Variants in FLI1 observed in about 807,000 individuals in gnomAD.
The protein encoded by FLI1 is Fli-1 proto-oncogene, ETS transcription factor.
Under a neutral mutation model 53.1 loss-of-function variants are expected in FLI1, and 13 were observed. The ratio of observed to expected loss-of-function variants is 0.24; its 90% CI spans 0.16 to 0.39. The LOEUF is 0.39. Among genes scored for constraint, FLI1 ranks in the 10% least tolerant of loss-of-function variants. FLI1 has a pLI of 1.00. For synonymous variants in FLI1, 244 were observed against 236.7 expected (o/e 1.03, Z -0.28); for missense variants, 424 against 600.5 (o/e 0.71, Z 3.07).
chr11:128,788,199 G>A (rs1384552938), intron 5 of FLI1, among the ~76,000 whole-genome samples: 1 of 152,174 alleles, frequency 6.6e-6, no homozygotes, highest in African/African-American at 2.4e-5. Context: ...GCCGGGCATG[G>A]TGGTTCATGC....
rs1206700425 is a variant in FLI1, at chr11:128,811,469, T to C, written c.*481T>C. 4.2e-6 allele frequency: 1 copy of C among 236,378 alleles called. No homozygotes were observed. The highest frequency in any genetic ancestry group is 6.5e-5 in the East Asian group (1 of 15,462). The allele number at this position is 236,378 out of a possible 1,614,324, so 14.6% of individuals were successfully genotyped here. On this transcript the variant is annotated 3_prime_UTR_variant, in exon 9 of 9. Coordinates refer to ENST00000527786, the MANE Select transcript of FLI1 (RefSeq NM_002017.5). ...TTTTAGGAGGACCAAATTCAGTGGA[T>C]GGCAACTGGAACATTGATTGTAAGG...
intron 1 of FLI1, among the ~76,000 whole-genome samples, chr11:128,752,455 A>G (rs996422777): frequency 6.6e-5 from 10 of 152,240 alleles, no homozygotes; most frequent in Non-Finnish European, 1.3e-4. Flanking sequence ...TGAGCAGCAG[A>G]TGAAGCTTGG....
At chr11:128,757,056 C>A (rs1940903448) in intron 1 of FLI1, among the ~76,000 whole-genome samples, 2 of 117,898 alleles carry the variant, frequency 1.7e-5, no homozygotes, top group Non-Finnish European at 3.4e-5. Context: ...TTCTTTCTTT[C>A]TTTCTTTCTT....
At chr11:128,805,283 C>T in intron 5 of FLI1, 83 bp from the exon 6 acceptor site, 1 of 761,036 alleles carries the variant, frequency 1.3e-6, no homozygotes, top group Admixed American at 2.7e-5. Flanking sequence ...TTTTATTTCT[C>T]CTGATCACTA....
chr11:128,751,401 G>A (rs943383365), intron 1 of FLI1, among the ~76,000 whole-genome samples: 98 of 151,412 alleles, frequency 6.5e-4, no homozygotes, highest in Non-Finnish European at 1.1e-3. Context: ...TGTTGCCCAG[G>A]ATGGATGGTA....
At chr11:128,806,410 G>A (rs1309991886) in intron 6 of FLI1, 1 of 152,246 alleles carries the variant, frequency 6.6e-6, no homozygotes, top group African/African-American at 2.4e-5. Context: ...GGCTGGGGAA[G>A]ACATGAGCTT....
chr11:128,707,145 G>A (rs549236308), intron 1 of FLI1, among the ~76,000 whole-genome samples: 2 of 152,268 alleles, frequency 1.3e-5, no homozygotes, highest in East Asian at 3.9e-4. Context: ...CCCACACTAT[G>A]AGCTTAGGAT....
intron 7 of FLI1, among the ~76,000 whole-genome samples, chr11:128,808,836 T>C (rs887092899): frequency 3.9e-5 from 6 of 152,264 alleles, no homozygotes; most frequent in Non-Finnish European, 7.3e-5. Context: ...CGTTGTATCA[T>C]TGAATATTAT....
chr11:128,692,077 T>C (rs1189571126), upstream of FLI1: 1 of 151,670 alleles, frequency 6.6e-6, no homozygotes, highest in Non-Finnish European at 1.5e-5. Context: ...CTCTCCGCAT[T>C]CTCCTGAAAG....
chr11:128,690,584 C>G (rs1937700104), upstream of FLI1, among the ~76,000 whole-genome samples: 1 of 152,226 alleles, frequency 6.6e-6, no homozygotes, highest in Non-Finnish European at 1.5e-5. Flanking sequence ...AGCAGGACTT[C>G]CGCATCTTTG....
chr11:128,811,005 G>T lies in FLI1; in HGVS notation c.*17G>T. ...TACTACTAGAAGCTTACTCATCAGT[G>T]GCCTTCTAGCTGAAGCCCATCCTGC... On this transcript the variant is annotated 3_prime_UTR_variant, in exon 9 of 9. Transcript: ENST00000527786. 6.2e-7 allele frequency: 1 copy of T among 1,613,398 alleles called. No homozygotes were observed.
At chr11:128,754,574 G>A (rs1940790641) in intron 1 of FLI1, among the ~76,000 whole-genome samples, 1 of 152,228 alleles carries the variant, frequency 6.6e-6, no homozygotes, top group African/African-American at 2.4e-5. Context: ...TGCAATGTAA[G>A]TGTGGCAGGT....
intron 2 of FLI1, among the ~76,000 whole-genome samples, chr11:128,766,164 G>A (rs1274208104): frequency 2.6e-5 from 4 of 152,276 alleles, no homozygotes; most frequent in African/African-American, 7.2e-5. Flanking sequence ...CAGTGCACTC[G>A]GGCCAGAGCT....
intron 7 of FLI1, among the ~76,000 whole-genome samples, 163 bp downstream of exon 7, chr11:128,807,402 A>G (rs1942812277): frequency 6.6e-6 from 1 of 152,264 alleles, no homozygotes; most frequent in Non-Finnish European, 1.5e-5. Context: ...ATGAAGTAAC[A>G]GGTACTGACA....
intron 1 of FLI1, among the ~76,000 whole-genome samples, chr11:128,740,763 C>A (rs1398283128): frequency 6.6e-6 from 1 of 152,188 alleles, no homozygotes; most frequent in Non-Finnish European, 1.5e-5. Context: ...ATAGGGTCCT[C>A]CCTTCAGAGG....
intron 5 of FLI1, among the ~76,000 whole-genome samples, chr11:128,801,543 CTCAT>C (rs1158458090): frequency 6.6e-6 from 1 of 152,182 alleles, no homozygotes; most frequent in Non-Finnish European, 1.5e-5. Flanking sequence ...TAGCCTATGC[CTCAT>C]ACATAAATAG....
chr11:128,718,522 C>A (rs1269412101), intron 1 of FLI1, among the ~76,000 whole-genome samples: 1 of 152,208 alleles, frequency 6.6e-6, no homozygotes, highest in African/African-American at 2.4e-5. Context: ...CGGATACTGA[C>A]CAATGGAGAA....
At chr11:128,741,148 C>A (rs551545214) in intron 1 of FLI1, among the ~76,000 whole-genome samples, 1 of 152,206 alleles carries the variant, frequency 6.6e-6, no homozygotes, top group Admixed American at 6.5e-5. Flanking sequence ...AATCCCAGCA[C>A]TTTGGGAGGC....
At position 128,812,779 on chromosome 11, in the gene FLI1, C is replaced by G. The variant is rs909119470; in HGVS notation, c.*1791C>G. 4.7e-6 allele frequency: 1 copy of G among 214,950 alleles called. No individual in the cohort carries two copies. The highest frequency in any genetic ancestry group is 1.9e-4 in the South Asian group (1 of 5,402). The allele number at this position is 214,950 out of a possible 1,614,324, so 13.3% of individuals were successfully genotyped here. ...ACCCAGACGGCCACCTTCTGCCACT[C>G]CAGCAAAGAATAAGCGCCCTGCTTC... On this transcript the variant is annotated 3_prime_UTR_variant, in exon 9 of 9. Coordinates refer to ENST00000527786, the MANE Select transcript of FLI1 (RefSeq NM_002017.5).
Sources: gnomAD v4.1 joint callset for allele counts (sites outside exome capture counted in the v4.1 genomes callset) on GRCh38, gnomAD v4.1.1 for gene constraint, MANE v1.5 for transcripts, NCBI Gene and HGNC (gene_info 2026-07-23, HGNC 2026-07-21) for gene names.